The following SORCS2 variants were observed in gnomAD, a reference collection of about 807,000 sequenced individuals.
SORCS2 encodes VPS10 domain-containing receptor SorCS2.
SORCS2 carries 100 observed loss-of-function variants against 141.6 expected under a neutral mutation model. That is an observed-to-expected ratio of 0.71 (90% CI 0.60 to 0.83). SORCS2 has a LOEUF of 0.83. SORCS2 is among the 40% of genes least tolerant of loss of function. SORCS2 has a pLI of 0.00. For missense variants in SORCS2, 1,646 were observed against 1,560.2 expected (o/e 1.05, Z -0.93); for synonymous variants, 789 against 676.9 (o/e 1.17, Z -2.57).
intron 2 of SORCS2, among the ~76,000 whole-genome samples, chr4:7,486,187 C>T (rs1730970464): frequency 1.4e-5 from 1 of 72,756 alleles, no homozygotes; most frequent in Non-Finnish European, 3.1e-5. Flanking sequence ...ATAGGTTCTT[C>T]TGCTGTTGGG....
chr4:7,280,172 C>T (rs193145083), intron 1 of SORCS2, among the ~76,000 whole-genome samples: 25 of 152,202 alleles, frequency 1.6e-4, no homozygotes, highest in Admixed American at 3.3e-4. Flanking sequence ...AAGCAGCCTA[C>T]CTGGTCATAT....
intron 1 of SORCS2, among the ~76,000 whole-genome samples, chr4:7,244,676 G>C (rs182061027): frequency 6.6e-6 from 1 of 152,168 alleles, no homozygotes; most frequent in African/African-American, 2.4e-5. Flanking sequence ...CACTCTGTGC[G>C]GTTGCCCCTA....
At chr4:7,361,257 G>A (rs558470615) in intron 1 of SORCS2, among the ~76,000 whole-genome samples, 4 of 152,346 alleles carry the variant, frequency 2.6e-5, no homozygotes, top group East Asian at 1.9e-4. Flanking sequence ...GAGACTCCTC[G>A]TGGAAATATT....
intron 1 of SORCS2, among the ~76,000 whole-genome samples, chr4:7,352,714 G>C (rs576065615): frequency 1.6e-4 from 24 of 152,314 alleles, no homozygotes; most frequent in African/African-American, 4.3e-4. Context: ...CCTCACACCT[G>C]CTGCAGCTGG....
intron 11 of SORCS2, among the ~76,000 whole-genome samples, chr4:7,690,827 T>G (rs919153838): frequency 6.6e-6 from 1 of 152,212 alleles, no homozygotes; most frequent in African/African-American, 2.4e-5. Flanking sequence ...AACTAGCACT[T>G]TTTAAAAAAC....
intron 2 of SORCS2, among the ~76,000 whole-genome samples, chr4:7,463,526 C>T (rs891458244): frequency 1.3e-5 from 2 of 152,184 alleles, no homozygotes; most frequent in African/African-American, 4.8e-5. Context: ...GCTCTCGACT[C>T]CAGGGCCTCC....
At chr4:7,319,453 C>T (rs1718762594) in intron 1 of SORCS2, among the ~76,000 whole-genome samples, 1 of 152,090 alleles carries the variant, frequency 6.6e-6, no homozygotes, top group African/African-American at 2.4e-5. Flanking sequence ...ACCTGTAATC[C>T]TAGCACTTGG....
chr4:7,703,133 A>C (rs1725187330), intron 12 of SORCS2, 147 bp from the exon 13 acceptor site: 1 of 604,376 alleles, frequency 1.7e-6, no homozygotes. Context: ...ATGGCCCGGG[A>C]CATGCAGGGA....
At chr4:7,511,494 GAGAGACAGAGAAACAGAGAA>G (rs1305789367) in intron 2 of SORCS2, among the ~76,000 whole-genome samples, 1 of 151,828 alleles carries the variant, frequency 6.6e-6, no homozygotes, top group Admixed American at 6.6e-5. Flanking sequence ...GGGGTGGAGA[GAGAGACAGAGAAACAGAGAA>G]AGAGACAGAG....
At chr4:7,211,854 G>C (rs561265787) in intron 1 of SORCS2, among the ~76,000 whole-genome samples, 13 of 152,288 alleles carry the variant, frequency 8.5e-5, no homozygotes, top group African/African-American at 2.9e-4. Context: ...TCACTCTGTC[G>C]GCTAATCCCT....
chr4:7,310,436 T>C (rs1407792218), intron 1 of SORCS2: 1 of 154,342 alleles, frequency 6.5e-6, no homozygotes, highest in African/African-American at 2.4e-5. Flanking sequence ...ATTAAATACA[T>C]TTTCATAATA....
intron 1 of SORCS2, among the ~76,000 whole-genome samples, chr4:7,255,063 G>A (rs902691763): frequency 4.6e-5 from 7 of 152,182 alleles, no homozygotes; most frequent in South Asian, 2.1e-4. Flanking sequence ...GTGAGCGTGC[G>A]TGAGAGAGTG....
At chr4:7,684,659 C>T (rs1265002518) in intron 10 of SORCS2, among the ~76,000 whole-genome samples, 1 of 152,222 alleles carries the variant, frequency 6.6e-6, no homozygotes, top group East Asian at 1.9e-4. Context: ...ACCCGTTTGA[C>T]AGGTTTATAT....
chr4:7,544,288 G>C (rs1295707122), intron 3 of SORCS2, among the ~76,000 whole-genome samples: 1 of 152,242 alleles, frequency 6.6e-6, no homozygotes, highest in East Asian at 1.9e-4. Flanking sequence ...ACACCTGTGA[G>C]GTGACATCAA....
At chr4:7,275,272 A>G (rs11726541) in intron 1 of SORCS2, among the ~76,000 whole-genome samples, 55,274 of 152,108 alleles carry the variant, frequency 0.36, 11,755 homozygotes, top group Non-Finnish European at 0.48. Context: ...ACTCGAAGTC[A>G]TGGTCAAGAG....
At chr4:7,436,237 T>A (rs1727291035) in intron 2 of SORCS2, among the ~76,000 whole-genome samples, 1 of 152,144 alleles carries the variant, frequency 6.6e-6, no homozygotes, top group Non-Finnish European at 1.5e-5. Flanking sequence ...ATACCCCAGG[T>A]GGGGCTGGAG....
chr4:7,360,642 G>A (rs1721528173), intron 1 of SORCS2, among the ~76,000 whole-genome samples: 1 of 134,386 alleles, frequency 7.4e-6, no homozygotes, highest in Non-Finnish European at 1.5e-5. Flanking sequence ...GCAGTGGTAT[G>A]ATTATGGCTC....
chr4:7,575,371 T>C (rs1418983275), intron 3 of SORCS2, among the ~76,000 whole-genome samples: 3 of 152,222 alleles, frequency 2.0e-5, no homozygotes, highest in Admixed American at 2.0e-4. Context: ...TGAAAATTTT[T>C]GAGATCTTTT....
chr4:7,243,078 G>C (rs964397387), intron 1 of SORCS2, among the ~76,000 whole-genome samples: 3 of 152,154 alleles, frequency 2.0e-5, no homozygotes, highest in Admixed American at 6.5e-5. Flanking sequence ...CCCTGGTGAG[G>C]TGCTGACCCC....
Sources: gnomAD v4.1 joint callset for allele counts (sites outside exome capture counted in the v4.1 genomes callset) on GRCh38, gnomAD v4.1.1 for gene constraint, MANE v1.5 for transcripts, NCBI Gene and HGNC (gene_info 2026-07-23, HGNC 2026-07-21) for gene names.